ZC3H6: variants seen among roughly 807,000 people sequenced by gnomAD.
ZC3H6 encodes zinc finger CCCH-type containing 6.
In ZC3H6, 40 loss-of-function variants were observed where a neutral mutation model predicts 107.7. That is an observed-to-expected ratio of 0.37 (90% CI 0.29 to 0.48). ZC3H6 has a LOEUF of 0.48. ZC3H6 is among the 20% of genes least tolerant of loss of function. The probability of loss-of-function intolerance (pLI) is 0.98; values close to 1 mark genes in which losing one functional copy is unlikely to be tolerated. For missense variants in ZC3H6, 1,267 were observed against 1,410.4 expected, an observed-to-expected ratio of 0.90 and a Z score of 1.63; for synonymous variants, 493 against 487.9, an observed-to-expected ratio of 1.01 and a Z score of -0.14.
intron 1 of ZC3H6, among the ~76,000 whole-genome samples, chr2:112,289,634 C>G (rs1413309929): frequency 1.3e-5 from 2 of 152,194 alleles, no homozygotes; most frequent in African/African-American, 4.8e-5. Flanking sequence ...CTGAACCACT[C>G]TTCATCAACT....
Position 112,338,893 on chromosome 2 carries a change from AT to A in ZC3H6, c.*6406del, listed in dbSNP as rs1677191405. 2.8e-4 allele frequency: 5 copies of A among 17,668 alleles called. No individual in the cohort carries two copies. The highest frequency in any genetic ancestry group is 4.1e-3 in the South Asian group (2 of 492). 1.1% of individuals were successfully genotyped at this position (17,668 alleles called of 1,614,324 possible). ...TATATATATATATATATATATATAT[AT>A]ATATATATATATATATATAATTTTT... On this transcript the variant is annotated 3_prime_UTR_variant, in exon 12 of 12. Coordinates refer to ENST00000409871, the MANE Select transcript of ZC3H6 (RefSeq NM_198581.3).
Position 112,303,289 on chromosome 2 carries a change from A to G in ZC3H6, c.274A>G (p.Thr92Ala). 6.2e-7 allele frequency: 1 copy of G among 1,613,436 alleles called. No homozygotes were observed. Among genetic ancestry groups the G allele is most frequent in the East Asian group, 2.2e-5 (1 of 44,856 alleles). ...DYSLDSDVEH[T>A]ESSHKKRTGF... Reference sequence around the variant, plus strand: ...CAGCCTTGATTCAGATGTTGAACATACAGAAAGTTCCCATAAAAAAAGAAC... The same window carrying G: ...CAGCCTTGATTCAGATGTTGAACATGCAGAAAGTTCCCATAAAAAAAGAAC... The change falls in exon 3 of 12, where the codon ACA becomes GCA. Residue 92 changes from threonine (T) to alanine (A), a missense_variant. Around this residue, in one of 3 missense-constraint regions of ZC3H6, gnomAD observed 337 missense variants for 361.2 expected, o/e 0.93. Coordinates refer to ENST00000409871, the MANE Select transcript of ZC3H6 (RefSeq NM_198581.3).
chr2:112,289,249 C>T (rs78455512), intron 1 of ZC3H6, among the ~76,000 whole-genome samples: 31,523 of 143,544 alleles, frequency 0.22, no homozygotes, highest in East Asian at 0.3. Flanking sequence ...CTGCCCACCT[C>T]AGCCTCCCAA....
chr2:112,279,835 G>A (rs1415627288), intron 1 of ZC3H6, among the ~76,000 whole-genome samples: 1 of 152,156 alleles, frequency 6.6e-6, no homozygotes, highest in African/African-American at 2.4e-5. Context: ...ACCTAGATAA[G>A]AACCCAGGTA....
At chr2:112,305,297 T>G (rs1385990434) in intron 3 of ZC3H6, among the ~76,000 whole-genome samples, 1 of 152,216 alleles carries the variant, frequency 6.6e-6, no homozygotes, top group Non-Finnish European at 1.5e-5. Flanking sequence ...TCTGGATTCA[T>G]AAGTTATCAC....
chr2:112,327,294 A>G (rs1676922225), intron 11 of ZC3H6, among the ~76,000 whole-genome samples: 1 of 152,146 alleles, frequency 6.6e-6, no homozygotes, highest in Admixed American at 6.5e-5. Flanking sequence ...ACCTTTTCAT[A>G]TCCCTGTGTG....
chr2:112,326,445 A>G (rs1430170947), intron 11 of ZC3H6, among the ~76,000 whole-genome samples: 1 of 152,128 alleles, frequency 6.6e-6, no homozygotes, highest in East Asian at 1.9e-4. Flanking sequence ...TAGCTCCCAC[A>G]AATAAGTGAG....
At chr2:112,312,920 C>T (rs929560852) in intron 5 of ZC3H6, among the ~76,000 whole-genome samples, 3 of 150,838 alleles carry the variant, frequency 2.0e-5, no homozygotes, top group African/African-American at 7.3e-5. Flanking sequence ...TAGCTATATA[C>T]TATAATTTGA....
rs1383398945 is a variant in ZC3H6, at chr2:112,334,013, G to T, written c.*1525G>T. The T allele has an allele frequency of 6.6e-6, 1 of 152,114 alleles. No homozygotes were observed. Among genetic ancestry groups the T allele is most frequent in the South Asian group, 2.1e-4 (1 of 4,830 alleles). The allele number at this position is 152,114 out of a possible 1,614,324, so 9.4% of individuals were successfully genotyped here. ...AATGGGGTTGTGGTTAAGTGAACGA[G>T]AACTCTGCCTACCTAAGAAGTTCAT... On this transcript the variant is annotated 3_prime_UTR_variant, in exon 12 of 12. Coordinates refer to ENST00000409871, the MANE Select transcript of ZC3H6 (RefSeq NM_198581.3).
intron 1 of ZC3H6, among the ~76,000 whole-genome samples, chr2:112,285,246 T>C (rs188138018): frequency 1.1e-3 from 163 of 152,316 alleles, no homozygotes; most frequent in African/African-American, 3.7e-3. Flanking sequence ...TGTACATTTA[T>C]ACTTCATCTA....
intron 10 of ZC3H6, 78 bp downstream of exon 10, chr2:112,324,741 G>A (rs766319604): frequency 2.4e-5 from 33 of 1,373,392 alleles, no homozygotes; most frequent in South Asian, 1.5e-4. Flanking sequence ...TGACAGAAAC[G>A]TAAGTTTTAA....
intron 1 of ZC3H6, among the ~76,000 whole-genome samples, chr2:112,295,842 A>G (rs1676221891): frequency 6.6e-6 from 1 of 152,224 alleles, no homozygotes; most frequent in African/African-American, 2.4e-5. Context: ...TAATGTATGT[A>G]AAGTAGGACA....
In ZC3H6 at chr2:112,333,048, GT is replaced by G. The variant is rs1677067795; in HGVS notation, c.*561del. The G allele has an allele frequency of 6.6e-6, 1 of 152,564 alleles. No homozygotes were observed. Among genetic ancestry groups the G allele is most frequent in the Non-Finnish European group, 1.5e-5 (1 of 68,010 alleles). The allele number at this position is 152,564 out of a possible 1,614,324, so 9.5% of individuals were successfully genotyped here. On this transcript the variant is annotated 3_prime_UTR_variant, in exon 12 of 12. Coordinates refer to ENST00000409871, the MANE Select transcript of ZC3H6 (RefSeq NM_198581.3). ...TATTAGTATTGGCAATATTATTTGT[GT>G]AAATGAAGCATTTGAATGTCATATC...
At position 112,324,329 on chromosome 2, in the gene ZC3H6, A is replaced by T; in HGVS notation, c.1518A>T (p.Gly506=). Residue 506 remains glycine (G), a synonymous_variant, in exon 10 of 12, where the codon GGA becomes GGT. Coordinates refer to ENST00000409871, the MANE Select transcript of ZC3H6 (RefSeq NM_198581.3). ...PGSPGHHPCA[G]PPGLPVPQSP... ...CCCCTGGACATCACCCATGTGCAGGACCTCCTGGTCTACCAGTGCCACAGA... is the reference window on the plus strand; with the variant it reads ...CCCCTGGACATCACCCATGTGCAGGTCCTCCTGGTCTACCAGTGCCACAGA... 6.2e-7 allele frequency: 1 copy of T among 1,613,916 alleles called. No homozygotes were observed.
chr2:112,325,124 A>G lies in ZC3H6; in HGVS notation c.2013A>G (p.Arg671=), dbSNP rs753873752. 3.1e-6 allele frequency: 5 copies of G among 1,614,028 alleles called. No individual in the cohort carries two copies. Among genetic ancestry groups the G allele is most frequent in the Admixed American group, 1.7e-5 (1 of 60,032 alleles). The change falls in exon 11 of 12, where the codon AGA becomes AGG. Residue 671 remains arginine (R), a synonymous_variant. Transcript: ENST00000409871. ...CAGTGCAAAGAGCTCTTTTTGTAAG[A>G]CTTACTCAGAGATACCAAGAAGATG... The part of the protein sequence containing the change: ...LPAVQRALFV[R]LTQRYQEDEE...
intron 5 of ZC3H6, among the ~76,000 whole-genome samples, chr2:112,314,097 T>C (rs1005310205): frequency 1.3e-5 from 2 of 152,200 alleles, no homozygotes; most frequent in Non-Finnish European, 2.9e-5. Flanking sequence ...TGTATCAATA[T>C]ATCTTCTAAA....
At position 112,333,264 on chromosome 2, in the gene ZC3H6, C is replaced by G. The variant is rs957061113; in HGVS notation, c.*776C>G. ...TGTATGTCAATGTTTTTGTCTTTAA[C>G]AGCATAATTTATATTGCTTTTTCAA... On this transcript the variant is annotated 3_prime_UTR_variant, in exon 12 of 12. Coordinates refer to ENST00000409871, the MANE Select transcript of ZC3H6 (RefSeq NM_198581.3). 1 of 152,526 alleles carries G rather than the reference C, an allele frequency of 6.6e-6. No individual in the cohort carries two copies. The highest frequency in any genetic ancestry group is 1.5e-5 in the Non-Finnish European group (1 of 67,962). The allele number at this position is 152,526 out of a possible 1,614,324, so 9.4% of individuals were successfully genotyped here.
chr2:112,290,555 C>T (rs1410103870), intron 1 of ZC3H6, among the ~76,000 whole-genome samples: 1 of 152,090 alleles, frequency 6.6e-6, no homozygotes, highest in Non-Finnish European at 1.5e-5. Context: ...TTAAAAACTT[C>T]ATGAGAGAAG....
At chr2:112,301,529 A>ATTT (rs1227765200) in intron 2 of ZC3H6, among the ~76,000 whole-genome samples, 1 of 152,056 alleles carries the variant, frequency 6.6e-6, no homozygotes, top group East Asian at 1.9e-4. Flanking sequence ...CATTCCATCC[A>ATTT]TTTTTTTCAC....
Sources: allele counts gnomAD v4.1 joint callset (sites outside exome capture counted in the v4.1 genomes callset), GRCh38; gene constraint gnomAD v4.1.1; regional missense constraint gnomAD v4.1.1; transcripts MANE v1.5; gene names NCBI Gene and HGNC (gene_info 2026-07-23, HGNC 2026-07-21).